The following PRKCB variants were observed in gnomAD, a reference collection of about 807,000 sequenced individuals.
PRKCB encodes the protein protein kinase C beta type.
PRKCB carries 13 observed loss-of-function variants against 81.5 expected under a neutral mutation model. That is an observed-to-expected ratio of 0.16 (90% confidence interval 0.10 to 0.25). PRKCB has a LOEUF of 0.25. Among genes scored for constraint, PRKCB ranks in the 10% least tolerant of loss-of-function variants. PRKCB has a pLI of 1.00. For synonymous variants in PRKCB, 335 were observed against 321.4 expected (o/e 1.04, Z -0.45); for missense variants, 509 against 875.7 (o/e 0.58, Z 5.29).
intron 2 of PRKCB, among the ~76,000 whole-genome samples, chr16:23,975,027 A>G (rs969382383): frequency 6.6e-6 from 1 of 152,178 alleles, no homozygotes; most frequent in African/African-American, 2.4e-5. Context: ...TACCGTGGAG[A>G]AAGGATGGCT....
chr16:24,162,582 G>C (rs1967276239), intron 10 of PRKCB, among the ~76,000 whole-genome samples: 2 of 147,820 alleles, frequency 1.4e-5, no homozygotes, highest in Non-Finnish European at 3.0e-5. Flanking sequence ...CGGAGTAGCT[G>C]GGACCACAGG....
intron 5 of PRKCB, among the ~76,000 whole-genome samples, chr16:24,036,954 G>A (rs1319996928): frequency 2.0e-5 from 3 of 152,264 alleles, no homozygotes; most frequent in East Asian, 1.9e-4. Flanking sequence ...TAAACCTTAC[G>A]TGTTATCTCT....
In PRKCB at chr16:24,022,735, C is replaced by T. The variant is rs546991868; in HGVS notation, c.289-9401C>T. Among the ~76,000 whole-genome samples the T allele has an allele frequency of 4.6e-5, 7 of 152,300 alleles. No homozygotes were observed. The South Asian group carries it at 6.2e-4, about 14-fold the overall frequency. Reference sequence around the variant, plus strand: ...GTCTCGATCTCCTGACCTCGTGATCCGCCTGCCTCGGACTCCCAAAGTGCT... The same window carrying T: ...GTCTCGATCTCCTGACCTCGTGATCTGCCTGCCTCGGACTCCCAAAGTGCT... On this transcript the variant is annotated intron_variant, in intron 3 of 16. Transcript: ENST00000643927.
At position 24,103,332 on chromosome 16, in the gene PRKCB, G is replaced by T. The variant is rs527612007; in HGVS notation, c.821+9035G>T. Among the ~76,000 whole-genome samples, 13 of 152,184 alleles carry T rather than the reference G, an allele frequency of 8.5e-5. No homozygotes were observed. The South Asian group carries it at 2.3e-3, about 27-fold the overall frequency. On this transcript the variant is annotated intron_variant, in intron 7 of 16. Coordinates refer to ENST00000643927, the MANE Select transcript of PRKCB (RefSeq NM_002738.7). The stretch of plus-strand genomic sequence containing the variant: ...GCATTTTTTTTAACCCCTAGAATTA[G>T]ATTTTTGTTTAAATTTTTAATATTA...
chr16:24,084,890 A>G (rs1026517946), intron 5 of PRKCB, among the ~76,000 whole-genome samples: 2 of 152,148 alleles, frequency 1.3e-5, no homozygotes, highest in Non-Finnish European at 2.9e-5. Context: ...GTTGGAGATC[A>G]TGGGTATATA....
Position 24,100,898 on chromosome 16 carries a change from A to G in PRKCB, c.821+6601A>G, listed in dbSNP as rs1400183559. Among the ~76,000 whole-genome samples the G allele has an allele frequency of 2.0e-5, 3 of 152,202 alleles. No homozygotes were observed. The East Asian group carries it at 5.8e-4, about 29-fold the overall frequency. ...GGGGAATGCTGATTGGTGGGTTGAG[A>G]GTGAAATCATAGGGGGTCAAAGCTG... On this transcript the variant is annotated intron_variant, in intron 7 of 16. Coordinates refer to ENST00000643927, the MANE Select transcript of PRKCB (RefSeq NM_002738.7).
chr16:24,032,996 A>G (rs765223336), intron 4 of PRKCB, among the ~76,000 whole-genome samples: 1 of 152,182 alleles, frequency 6.6e-6, no homozygotes, highest in Non-Finnish European at 1.5e-5. Context: ...TGGAGGAGGA[A>G]AGAGCATCAT....
intron 2 of PRKCB, among the ~76,000 whole-genome samples, chr16:23,875,832 A>G (rs1013128974): frequency 2.6e-5 from 4 of 151,972 alleles, no homozygotes; most frequent in Middle Eastern, 3.4e-3. Context: ...TGCATGACCC[A>G]TATTTAAAAG....
intron 3 of PRKCB, among the ~76,000 whole-genome samples, chr16:24,027,806 C>T (rs141324073): frequency 6.6e-6 from 1 of 152,142 alleles, no homozygotes; most frequent in Admixed American, 6.6e-5. Context: ...GTCTTGCTCT[C>T]CCACCCATGC....
chr16:23,875,621 T>TGTGTATGTATATCACACATAC (rs1962993960), intron 2 of PRKCB, among the ~76,000 whole-genome samples: 1 of 97,076 alleles, frequency 1.0e-5, no homozygotes. Context: ...CACACACATA[T>TGTGTATGTATATCACACATAC]ATGTATGTAT....
intron 9 of PRKCB, among the ~76,000 whole-genome samples, chr16:24,133,556 C>T (rs552357121): frequency 6.6e-6 from 1 of 152,158 alleles, no homozygotes; most frequent in Non-Finnish European, 1.5e-5. Flanking sequence ...AACCTTCAAC[C>T]TCCATTTTCT....
At chr16:24,027,401 C>T (rs551062584) in intron 3 of PRKCB, among the ~76,000 whole-genome samples, 2 of 152,196 alleles carry the variant, frequency 1.3e-5, no homozygotes, top group Non-Finnish European at 2.9e-5. Flanking sequence ...TCTCATTGTC[C>T]GGAGATAGAG....
intron 4 of PRKCB, among the ~76,000 whole-genome samples, chr16:24,032,861 G>A (rs1168377573): frequency 6.6e-6 from 1 of 152,228 alleles, no homozygotes; most frequent in Non-Finnish European, 1.5e-5. Context: ...ACACCCAGAG[G>A]CATGAACAAA....
intron 3 of PRKCB, among the ~76,000 whole-genome samples, chr16:23,989,278 T>A (rs1408226805): frequency 6.6e-6 from 1 of 152,170 alleles, no homozygotes; most frequent in East Asian, 1.9e-4. Context: ...ATTATTATTA[T>A]TTAAGAGTGT....
rs1968281103 is a variant in PRKCB, at chr16:24,219,223, A to AGAATC, written c.*4410_*4414dup. The stretch of plus-strand genomic sequence containing the variant: ...AAAAAGAAATGCCAGACTTACTAGG[A>AGAATC]GAATCGAGTTGCTTTGAGTTTCTTT... On this transcript the variant is annotated 3_prime_UTR_variant, in exon 17 of 17. Transcript: ENST00000643927. 1 of 949,772 alleles carries AGAATC rather than the reference A, an allele frequency of 1.1e-6. No individual in the cohort carries two copies. Among genetic ancestry groups the AGAATC allele is most frequent in the African/African-American group, 2.1e-5 (1 of 46,788 alleles). The allele number at this position is 949,772 out of a possible 1,614,324, so 58.8% of individuals were successfully genotyped here.
At chr16:23,997,766 G>A (rs1042945514) in intron 3 of PRKCB, among the ~76,000 whole-genome samples, 8 of 152,196 alleles carry the variant, frequency 5.3e-5, no homozygotes, top group Admixed American at 4.6e-4. Flanking sequence ...CTGGGGAGGG[G>A]ATTATTGCAT....
At chr16:23,982,116 CCCTTCCCCTTCCCTTCCCT>C (rs1964737054) in intron 2 of PRKCB, among the ~76,000 whole-genome samples, 1 of 46,650 alleles carries the variant, frequency 2.1e-5, no homozygotes, top group Non-Finnish European at 4.3e-5. Context: ...CCTTCCCTTT[CCCTTCCCCTTCCCTTCCCT>C]TTCCCTTCCC....
chr16:23,940,213 G>A (rs886972455), intron 2 of PRKCB, among the ~76,000 whole-genome samples: 6 of 152,076 alleles, frequency 3.9e-5, no homozygotes, highest in African/African-American at 1.4e-4. Flanking sequence ...AGCAAGGGAG[G>A]CTGAGGAACA....
chr16:24,110,955 A>G (rs1269652804), intron 7 of PRKCB: 1 of 152,240 alleles, frequency 6.6e-6, no homozygotes, highest in Non-Finnish European at 1.5e-5. Flanking sequence ...AAAAAGTAAA[A>G]CAGATATTTC....
Sources: gnomAD v4.1 joint callset for allele counts (sites outside exome capture counted in the v4.1 genomes callset) on GRCh38, gnomAD v4.1.1 for gene constraint, MANE v1.5 for transcripts, NCBI Gene and HGNC (gene_info 2026-07-23, HGNC 2026-07-21) for gene names.